Variants in CLEC16A observed in about 807,000 individuals in gnomAD.
CLEC16A encodes the protein protein CLEC16A.
A neutral mutation model predicts 109.5 loss-of-function variants in CLEC16A; 51 were observed. That is an observed-to-expected ratio of 0.47 (90% CI 0.37 to 0.59). CLEC16A has a LOEUF of 0.59. CLEC16A is among the 20% of genes least tolerant of loss of function. CLEC16A has a pLI of 0.00. For missense variants in CLEC16A, 1,339 were observed against 1,394.0 expected (o/e 0.96, Z 0.63); for synonymous variants, 673 against 564.2 (o/e 1.19, Z -2.73).
At chr16:10,968,854 C>T (rs991689204) in intron 3 of CLEC16A, among the ~76,000 whole-genome samples, 9 of 152,152 alleles carry the variant, frequency 5.9e-5, no homozygotes, top group Admixed American at 3.3e-4. Context: ...CTAATCTCCC[C>T]CTACTCCCAG....
At chr16:11,011,305 G>C (rs1206292128) in intron 11 of CLEC16A, among the ~76,000 whole-genome samples, 1 of 152,190 alleles carries the variant, frequency 6.6e-6, no homozygotes, top group African/African-American at 2.4e-5. Flanking sequence ...TTGGCATTCT[G>C]TTGTAAGCAA....
chr16:11,093,876 G>T (rs1381995908), intron 19 of CLEC16A, among the ~76,000 whole-genome samples: 1 of 152,162 alleles, frequency 6.6e-6, no homozygotes, highest in Non-Finnish European at 1.5e-5. Flanking sequence ...GGTGAAACAT[G>T]CCTCTCTCAT....
rs765126265 is a variant in CLEC16A, at chr16:11,003,097, C to T, written c.1095C>T (p.Phe365=). ...AGGCCAAGCCCAGCATTCGGTGCTTCATTAAACCCACCGAGACACTCGAGC... is the reference window on the plus strand; with the variant it reads ...AGGCCAAGCCCAGCATTCGGTGCTTTATTAAACCCACCGAGACACTCGAGC... The part of the protein sequence containing the change: ...RSSAKPSIRC[F]IKPTETLERS... The change falls in exon 11 of 24, where the codon TTC becomes TTT. Residue 365 remains phenylalanine, a synonymous_variant. Transcript: ENST00000409790. 1.2e-6 allele frequency: 2 copies of T among 1,610,860 alleles called. No homozygotes were observed. The highest frequency in any genetic ancestry group is 1.7e-6 in the Non-Finnish European group (2 of 1,179,038).
intron 11 of CLEC16A, among the ~76,000 whole-genome samples, chr16:11,013,945 AAG>A (rs919989444): frequency 3.4e-5 from 5 of 145,320 alleles, no homozygotes; most frequent in African/African-American, 1.0e-4. Flanking sequence ...TCTCAAAAAA[AAG>A]AAGAAGAAGA....
intron 11 of CLEC16A, among the ~76,000 whole-genome samples, chr16:11,008,786 C>T (rs1016891722): frequency 2.1e-5 from 3 of 143,628 alleles, no homozygotes; most frequent in Non-Finnish European, 3.0e-5. Flanking sequence ...GTCAGGAGAT[C>T]GAGACCCTCC....
chr16:11,126,099 A>T lies in CLEC16A; in HGVS notation c.2594A>T (p.Asp865Val). 1 of 1,613,150 alleles carries T rather than the reference A, an allele frequency of 6.2e-7. No homozygotes were observed. Among genetic ancestry groups the T allele is most frequent in the Non-Finnish European group, 8.5e-7 (1 of 1,179,736 alleles). The change falls in exon 22 of 24, where the codon GAC becomes GTC. Residue 865 changes from aspartate to valine, a missense_variant. Transcript: ENST00000409790. The stretch of plus-strand genomic sequence containing the variant: ...GACCAGGGGCGCCGGGGCAGCAGCG[A>T]CCCCACAGTGCAGCGCTCCGTGTTT... ...FYDQGRRGSS[D>V]PTVQRSVFAS...
chr16:11,137,466 G>A (rs1293384473), intron 22 of CLEC16A, among the ~76,000 whole-genome samples: 1 of 151,716 alleles, frequency 6.6e-6, no homozygotes, highest in Non-Finnish European at 1.5e-5. Context: ...CCAAGAAAAT[G>A]AAATGCCAGC....
chr16:11,123,586 T>C (rs541698614), intron 20 of CLEC16A, among the ~76,000 whole-genome samples, 156 bp from the exon 21 acceptor site: 2 of 152,310 alleles, frequency 1.3e-5, no homozygotes, highest in Admixed American at 6.5e-5. Flanking sequence ...CTTGTGCCCA[T>C]CCATGACTCT....
chr16:11,077,534 G>A (rs1308568336), intron 19 of CLEC16A, among the ~76,000 whole-genome samples: 1 of 151,710 alleles, frequency 6.6e-6, no homozygotes, highest in Non-Finnish European at 1.5e-5. Context: ...GCGTGTGCCT[G>A]TAGTTTCAGC....
intron 22 of CLEC16A, among the ~76,000 whole-genome samples, chr16:11,133,781 C>T (rs541596379): frequency 6.6e-6 from 1 of 152,000 alleles, no homozygotes; most frequent in Non-Finnish European, 1.5e-5. Flanking sequence ...CTCCCCAAGG[C>T]AAAAAATACC....
chr16:11,115,425 T>C (rs553668281), intron 19 of CLEC16A, among the ~76,000 whole-genome samples: 1 of 152,288 alleles, frequency 6.6e-6, no homozygotes, highest in Non-Finnish European at 1.5e-5. Flanking sequence ...AGACCGGAGT[T>C]CAGTGGTGTG....
At chr16:11,088,816 G>A (rs1348631919) in intron 19 of CLEC16A, among the ~76,000 whole-genome samples, 1 of 152,204 alleles carries the variant, frequency 6.6e-6, no homozygotes, top group Non-Finnish European at 1.5e-5. Flanking sequence ...GAGTCGGGTG[G>A]GGGTCCTGCC....
rs548215799 is a variant in CLEC16A at position 11,043,597 on chromosome 16, GCTCGTGC to G, written c.1771-428_1771-422del. 5.9e-5 allele frequency among the ~76,000 whole-genome samples: 9 copies of G among 151,948 alleles called. No homozygotes were observed. The South Asian group carries it at 1.9e-3, about 32-fold the overall frequency. On this transcript the variant is annotated intron_variant, in intron 15 of 23. Transcript: ENST00000409790. ...ACTATTTTATAGGCCAGGCATGGTG[GCTCGTGC>G]CTGTAATCCCAGCACTTTGGGAGGC...
intron 19 of CLEC16A, among the ~76,000 whole-genome samples, chr16:11,119,966 G>GTTGTT (rs34801138): frequency 0.68 from 101,933 of 150,782 alleles, 35,310 homozygotes; most frequent in African/African-American, 0.81. Flanking sequence ...TTTGTGTTGT[G>GTTGTT]TTGTTTTGTT....
chr16:11,115,158 G>A (rs761171496), intron 19 of CLEC16A, among the ~76,000 whole-genome samples: 1 of 152,152 alleles, frequency 6.6e-6, no homozygotes, highest in Non-Finnish European at 1.5e-5. Context: ...GTATGACTGT[G>A]TCCGTTTTCC....
intron 19 of CLEC16A, 24 bp downstream of exon 19, chr16:11,061,046 A>G (rs765891316): frequency 6.3e-7 from 1 of 1,589,618 alleles, no homozygotes. Flanking sequence ...TCTGAGTCAC[A>G]GCAGGGGGCT....
intron 23 of CLEC16A, among the ~76,000 whole-genome samples, chr16:11,171,133 A>T (rs1051476232): frequency 6.6e-6 from 1 of 152,168 alleles, no homozygotes; most frequent in African/African-American, 2.4e-5. Context: ...ACTTTTGAGG[A>T]ACATTCCCCA....
intron 10 of CLEC16A, among the ~76,000 whole-genome samples, chr16:10,986,731 A>ATGTGTGTG (rs59931468): frequency 0.036 from 5,397 of 150,200 alleles, 153 homozygotes; most frequent in African/African-American, 0.082. Flanking sequence ...TTAAGGCTCA[A>ATGTGTGTG]TGTGTGTGTG....
At chr16:11,022,480 T>C (rs1332213283) in intron 12 of CLEC16A, among the ~76,000 whole-genome samples, 1 of 151,804 alleles carries the variant, frequency 6.6e-6, no homozygotes, top group Non-Finnish European at 1.5e-5. Context: ...AGGTGGCTGT[T>C]TGTTCTCTAG....
Sources: allele counts gnomAD v4.1 joint callset (sites outside exome capture counted in the v4.1 genomes callset), GRCh38; gene constraint gnomAD v4.1.1; transcripts MANE v1.5; gene names NCBI Gene and HGNC (gene_info 2026-07-23, HGNC 2026-07-21).